The following SLC24A2 variants were observed in gnomAD, a reference collection of about 807,000 sequenced individuals.
SLC24A2 encodes sodium/potassium/calcium exchanger 2.
In SLC24A2, 36 loss-of-function variants were observed where a neutral mutation model predicts 62.0. The ratio of observed to expected loss-of-function variants is 0.58; its 90% confidence interval spans 0.44 to 0.77. The LOEUF is 0.77. Among genes scored for constraint, SLC24A2 ranks in the 30% least tolerant of loss-of-function variants. The probability of loss-of-function intolerance (pLI) is 0.00; values close to 1 mark genes in which losing one functional copy is unlikely to be tolerated. For synonymous variants in SLC24A2, 358 were observed against 294.0 expected, an observed-to-expected ratio of 1.22 and a Z score of -2.23; for missense variants, 846 against 817.9, an observed-to-expected ratio of 1.03 and a Z score of -0.42.
chr9:20,169,779 AC>A, the SLC24A2 span, among the ~76,000 whole-genome samples: 3 of 151,662 alleles, frequency 2.0e-5, no homozygotes, highest in Non-Finnish European at 2.9e-5. Context: ...GTTCTTTGAC[AC>A]CCCCCCAAAA....
intron 2 of SLC24A2, among the ~76,000 whole-genome samples, chr9:19,713,363 T>C (rs886525095): frequency 6.6e-6 from 1 of 152,204 alleles, no homozygotes; most frequent in African/African-American, 2.4e-5. Flanking sequence ...TTGGTTGTTA[T>C]ATAACAATGA....
the SLC24A2 span, among the ~76,000 whole-genome samples, chr9:20,073,757 A>T: frequency 6.6e-6 from 1 of 152,050 alleles, no homozygotes; most frequent in Non-Finnish European, 1.5e-5. Flanking sequence ...GTTTGCAGAA[A>T]ATCTAATGGA....
chr9:20,218,146 T>A, the SLC24A2 span, among the ~76,000 whole-genome samples: 2 of 152,152 alleles, frequency 1.3e-5, no homozygotes, highest in African/African-American at 4.8e-5. Flanking sequence ...AAGAGGAAAT[T>A]CATTCTGAAC....
At chr9:20,145,309 G>T in the SLC24A2 span, among the ~76,000 whole-genome samples, 9 of 151,922 alleles carry the variant, frequency 5.9e-5, no homozygotes, top group Non-Finnish European at 1.2e-4. Flanking sequence ...AAAAGTAAGG[G>T]TTATAGTGGG....
chr9:19,728,939 C>T (rs752804143), intron 2 of SLC24A2, among the ~76,000 whole-genome samples: 3 of 152,090 alleles, frequency 2.0e-5, no homozygotes, highest in Non-Finnish European at 4.4e-5. Context: ...AATTGCCTGC[C>T]ATGAAAAGAA....
At chr9:19,765,822 C>T (rs1564088736) in intron 2 of SLC24A2, among the ~76,000 whole-genome samples, 2 of 152,070 alleles carry the variant, frequency 1.3e-5, no homozygotes, top group Non-Finnish European at 1.5e-5. Flanking sequence ...CTCAGTATTT[C>T]CTGAATTTGA....
the SLC24A2 span, among the ~76,000 whole-genome samples, chr9:20,152,507 ATAAAG>A: frequency 6.6e-6 from 1 of 151,916 alleles, no homozygotes; most frequent in East Asian, 1.9e-4. Flanking sequence ...AAGCAAAGAA[ATAAAG>A]TAAAAGTGAG....
At chr9:19,700,397 A>G (rs1820321636) in intron 2 of SLC24A2, among the ~76,000 whole-genome samples, 1 of 152,222 alleles carries the variant, frequency 6.6e-6, no homozygotes. Flanking sequence ...CTCTGGCATC[A>G]GCACTTTCTA....
chr9:19,730,263 T>G (rs1821296118), intron 2 of SLC24A2, among the ~76,000 whole-genome samples: 1 of 152,194 alleles, frequency 6.6e-6, no homozygotes, highest in Non-Finnish European at 1.5e-5. Flanking sequence ...GAAGGTAACT[T>G]GGCAATATGT....
chr9:19,524,640 G>C (rs1048450002), intron 9 of SLC24A2, among the ~76,000 whole-genome samples: 3 of 152,190 alleles, frequency 2.0e-5, no homozygotes, highest in East Asian at 1.9e-4. Context: ...ATTTTGTTCA[G>C]CTGTCTGGGT....
chr9:19,554,984 GTC>G (rs1835011437), intron 7 of SLC24A2, among the ~76,000 whole-genome samples: 1 of 152,124 alleles, frequency 6.6e-6, no homozygotes, highest in Admixed American at 6.5e-5. Flanking sequence ...CAGGAATCTG[GTC>G]TCTCTATAAG....
intron 4 of SLC24A2, among the ~76,000 whole-genome samples, chr9:19,601,373 C>T (rs1836835749): frequency 6.6e-6 from 1 of 152,192 alleles, no homozygotes; most frequent in African/African-American, 2.4e-5. Flanking sequence ...AAGCTGACCA[C>T]CCCAGCCAGC....
At chr9:19,846,335 A>T in the SLC24A2 span, among the ~76,000 whole-genome samples, 1 of 152,186 alleles carries the variant, frequency 6.6e-6, no homozygotes, top group East Asian at 1.9e-4. Context: ...ATCCTTTATT[A>T]TTATGTAATG....
chr9:19,760,965 C>T (rs558504581), intron 2 of SLC24A2, among the ~76,000 whole-genome samples: 6 of 151,954 alleles, frequency 3.9e-5, no homozygotes, highest in East Asian at 3.9e-4. Context: ...CTCACGTAAA[C>T]GACAAGTTAA....
chr9:19,885,021 T>G, the SLC24A2 span, among the ~76,000 whole-genome samples: 4 of 152,338 alleles, frequency 2.6e-5, no homozygotes, highest in East Asian at 7.7e-4. Flanking sequence ...ACAGGAGGAC[T>G]AGAATTTTTT....
chr9:19,601,858 T>C (rs1480868704), intron 4 of SLC24A2, among the ~76,000 whole-genome samples: 2 of 152,210 alleles, frequency 1.3e-5, no homozygotes, highest in East Asian at 3.8e-4. Flanking sequence ...TATTCTAGAA[T>C]TGTGGTGAGA....
the SLC24A2 span, among the ~76,000 whole-genome samples, chr9:19,998,733 C>A: frequency 6.6e-5 from 10 of 152,250 alleles, no homozygotes; most frequent in Admixed American, 3.3e-4. Context: ...GTGCTCTGGA[C>A]AGAATGGTCT....
chr9:20,260,363 G>A, the SLC24A2 span, among the ~76,000 whole-genome samples: 1 of 152,184 alleles, frequency 6.6e-6, no homozygotes, highest in Non-Finnish European at 1.5e-5. Flanking sequence ...TGATACAGCA[G>A]CAACAGTGGA....
At chr9:20,259,750 T>G in the SLC24A2 span, among the ~76,000 whole-genome samples, 1 of 152,142 alleles carries the variant, frequency 6.6e-6, no homozygotes, top group Non-Finnish European at 1.5e-5. Context: ...GTTTGGCCCC[T>G]CCAAAACTTG....
Sources: gnomAD v4.1 joint callset for allele counts (sites outside exome capture counted in the v4.1 genomes callset) on GRCh38, gnomAD v4.1.1 for gene constraint, MANE v1.5 for transcripts, NCBI Gene and HGNC (gene_info 2026-07-23, HGNC 2026-07-21) for gene names.